The following PYROXD1 variants were observed in gnomAD, a reference collection of about 807,000 sequenced individuals.
PYROXD1 encodes the protein pyridine nucleotide-disulphide oxidoreductase domain 1.
Under a neutral mutation model 62.0 loss-of-function variants are expected in PYROXD1, and 42 were observed. The ratio of observed to expected loss-of-function variants is 0.68; its 90% CI spans 0.53 to 0.88. The LOEUF is 0.88. Ranked by LOEUF, PYROXD1 falls within the 40% of genes least tolerant of loss-of-function variation. PYROXD1 has a pLI of 0.00. For missense variants in PYROXD1, 493 were observed against 604.8 expected (o/e 0.82, Z 1.94); for synonymous variants, 170 against 206.4 (o/e 0.82, Z 1.51).
In PYROXD1 at chr12:21,471,184, T is replaced by G. The variant is rs1942949997; in HGVS notation, c.*2430T>G. The stretch of plus-strand genomic sequence containing the variant: ...ATAAAAGAAATAACTATATGCGCAG[T>G]AATTCTTAACACATTGACTTGAAAT... On this transcript the variant is annotated 3_prime_UTR_variant, in exon 12 of 12. Coordinates refer to ENST00000240651, the MANE Select transcript of PYROXD1 (RefSeq NM_024854.5). The G allele has an allele frequency of 7.7e-7, 1 of 1,290,976 alleles. No homozygotes were observed. Among genetic ancestry groups the G allele is most frequent in the Admixed American group, 2.6e-5 (1 of 38,004 alleles). 80.0% of individuals were successfully genotyped at this position (1,290,976 alleles called of 1,614,324 possible).
At chr12:21,453,959 T>C (rs1429679960) in intron 5 of PYROXD1, among the ~76,000 whole-genome samples, 3 of 152,040 alleles carry the variant, frequency 2.0e-5, no homozygotes. Context: ...CACTTTCCGC[T>C]GGTCAGTAAT....
rs75904418 is a variant in PYROXD1 at position 21,454,312 on chromosome 12, T to C, written c.489-820T>C. ...CGCAAGTTTAGATAAAATCCTATTA[T>C]AGTTAGGATGGCCATATATCTTGTT... On this transcript the variant is annotated intron_variant, in intron 5 of 11. Transcript: ENST00000240651. Among the ~76,000 whole-genome samples, 438 of 152,138 alleles carry C rather than the reference T, an allele frequency of 2.9e-3. 15 individuals are homozygous for C. The East Asian group carries it at 0.075, about 26-fold the overall frequency.
intron 10 of PYROXD1, among the ~76,000 whole-genome samples, chr12:21,466,527 C>T (rs1392244168): frequency 2.0e-5 from 3 of 152,248 alleles, no homozygotes; most frequent in African/African-American, 7.2e-5. Flanking sequence ...TATCCTGAGA[C>T]TTTGCTGAAG....
Position 21,437,689 on chromosome 12 carries a change from G to C in PYROXD1, c.-42G>C. On this transcript the variant is annotated 5_prime_UTR_variant, in exon 1 of 12. Transcript: ENST00000240651. ...CTCTCCTGGAGTCCAGAGTCCCGTT[G>C]CTCCGCCGCGATATTCAGTAAACCA... The C allele has an allele frequency of 6.3e-7, 1 of 1,581,256 alleles. No homozygotes were observed. Among genetic ancestry groups the C allele is most frequent in the African/African-American group, 1.3e-5 (1 of 74,686 alleles).
rs1043537707 is a variant in PYROXD1, at chr12:21,458,974, A to C, written c.751-2051A>C. Among the ~76,000 whole-genome samples the C allele has an allele frequency of 4.6e-5, 7 of 152,226 alleles. No individual in the cohort carries two copies. In the East Asian group the frequency reaches 1.3e-3, roughly 29 times the overall value. On this transcript the variant is annotated intron_variant, in intron 7 of 11. Transcript: ENST00000240651. ...ACTTGCTTGATGTGGGTTTGTCACA[A>C]ACCTTCAATTTGTAAAAAACACACT...
At chr12:21,466,961 G>A (rs1294650137) in intron 10 of PYROXD1, among the ~76,000 whole-genome samples, 1 of 151,902 alleles carries the variant, frequency 6.6e-6, no homozygotes, top group Non-Finnish European at 1.5e-5. Context: ...GAATTAATAC[G>A]GTCATGCAAA....
In PYROXD1 at chr12:21,451,056, C is replaced by T. The variant is rs118117635; in HGVS notation, c.415-1025C>T. ...TCAATGAAGGACAAACTGAAATAAA[C>T]TTCAGTTGTTTTTTTCTTGGAGAAT... On this transcript the variant is annotated intron_variant, in intron 4 of 11. Transcript: ENST00000240651. 5.8e-3 allele frequency among the ~76,000 whole-genome samples: 888 copies of T among 152,212 alleles called. 2 individuals carry two copies. The highest frequency in any genetic ancestry group is 9.2e-3 in the Non-Finnish European group (623 of 68,000).
chr12:21,445,259 G>A (rs1359476274), intron 2 of PYROXD1, 88 bp from the exon 3 acceptor site: 1 of 1,321,990 alleles, frequency 7.6e-7, no homozygotes, highest in Non-Finnish European at 1.0e-6. Flanking sequence ...ACAAAATAGT[G>A]TGTAAAAGCA....
At chr12:21,463,029 T>G (rs757727722) in intron 10 of PYROXD1, among the ~76,000 whole-genome samples, 167 bp downstream of exon 10, 3 of 152,240 alleles carry the variant, frequency 2.0e-5, no homozygotes, top group Non-Finnish European at 4.4e-5. Flanking sequence ...TTTCCCTGTT[T>G]GGTAAGTTAT....
chr12:21,448,144 G>T, intron 3 of PYROXD1: 1 of 676,666 alleles, frequency 1.5e-6, no homozygotes, highest in Non-Finnish European at 2.8e-6. Context: ...GTAAATTCAT[G>T]GCCATCAGAT....
chr12:21,438,951 G>C (rs184627093), intron 1 of PYROXD1, among the ~76,000 whole-genome samples: 143 of 152,338 alleles, frequency 9.4e-4, no homozygotes, highest in Non-Finnish European at 1.5e-3. Context: ...CTATGCAAGA[G>C]ATATCAACGG....
At position 21,452,143 on chromosome 12, in the gene PYROXD1, A is replaced by C; in HGVS notation, c.477A>C (p.Ala159=). The change falls in exon 5 of 12, where the codon GCA becomes GCC. Residue 159 remains alanine (A), a synonymous_variant. Coordinates refer to ENST00000240651, the MANE Select transcript of PYROXD1 (RefSeq NM_024854.5). The part of the protein sequence containing the change: ...RIMIIGNGGI[A]LELVYEIEGC... Reference sequence around the variant, plus strand: ...TGATCATAGGGAACGGTGGTATTGCACTTGAGTTAGTGTAAGTATATATTT... The same window carrying C: ...TGATCATAGGGAACGGTGGTATTGCCCTTGAGTTAGTGTAAGTATATATTT... 6.4e-7 allele frequency: 1 copy of C among 1,570,240 alleles called. No individual in the cohort carries two copies. Among genetic ancestry groups the C allele is most frequent in the Non-Finnish European group, 8.7e-7 (1 of 1,155,918 alleles).
At chr12:21,467,135 T>A (rs1165619084) in intron 10 of PYROXD1, among the ~76,000 whole-genome samples, 1 of 152,128 alleles carries the variant, frequency 6.6e-6, no homozygotes, top group Non-Finnish European at 1.5e-5. Flanking sequence ...AGTGATAATT[T>A]GACATCTCTG....
chr12:21,448,213 C>A (rs749249098), intron 3 of PYROXD1: 223 of 574,164 alleles, frequency 3.9e-4, no homozygotes, highest in Non-Finnish European at 6.5e-4. Flanking sequence ...GTTTTCTCTT[C>A]CCCATCCATT....
intron 7 of PYROXD1, among the ~76,000 whole-genome samples, chr12:21,458,782 G>A (rs963492287): frequency 2.0e-5 from 3 of 152,192 alleles, no homozygotes; most frequent in African/African-American, 7.2e-5. Flanking sequence ...TTAGATGGGT[G>A]TGGTTCATGA....
chr12:21,450,495 C>A (rs10841814), intron 4 of PYROXD1, among the ~76,000 whole-genome samples: 16,902 of 152,070 alleles, frequency 0.11, 1,059 homozygotes, highest in East Asian at 0.31. Context: ...GATAAACTAT[C>A]CCAATAAGGT....
rs1289205421 is a variant in PYROXD1 at position 21,437,721 on chromosome 12, G to A, written c.-10G>A. The stretch of plus-strand genomic sequence containing the variant: ...CGCGATATTCAGTAAACCACTGGGA[G>A]TCCGGCAGCATGGAGGCAGCGCGCC... On this transcript the variant is annotated 5_prime_UTR_variant, in exon 1 of 12. Transcript: ENST00000240651. 2.5e-6 allele frequency: 4 copies of A among 1,610,362 alleles called. No homozygotes were observed. The highest frequency in any genetic ancestry group is 3.4e-6 in the Non-Finnish European group (4 of 1,178,756).
At chr12:21,457,480 A>T (rs4423237) in intron 7 of PYROXD1, among the ~76,000 whole-genome samples, 74,388 of 151,078 alleles carry the variant, frequency 0.49, 18,386 homozygotes, top group Middle Eastern at 0.59. Flanking sequence ...TGGGCTTCAA[A>T]TATTCAGTAA....
At chr12:21,467,851 T>A (rs1400003037) in intron 11 of PYROXD1, among the ~76,000 whole-genome samples, 1 of 151,962 alleles carries the variant, frequency 6.6e-6, no homozygotes, top group African/African-American at 2.4e-5. Context: ...GGGAAAAAAA[T>A]TTCTCTCTAG....
Sources: allele counts gnomAD v4.1 joint callset (sites outside exome capture counted in the v4.1 genomes callset), GRCh38; gene constraint gnomAD v4.1.1; transcripts MANE v1.5; gene names NCBI Gene and HGNC (gene_info 2026-07-23, HGNC 2026-07-21).